The following SCAPER variants were observed in gnomAD, a reference collection of about 807,000 sequenced individuals.
SCAPER encodes S phase cyclin A-associated protein in the endoplasmic reticulum.
Under a neutral mutation model 182.2 loss-of-function variants are expected in SCAPER, and 98 were observed. The ratio of observed to expected loss-of-function variants is 0.54; its 90% CI spans 0.46 to 0.64. SCAPER has a LOEUF of 0.64. Ranked by LOEUF, SCAPER falls within the 30% of genes least tolerant of loss-of-function variation. SCAPER has a pLI of 0.00. For synonymous variants in SCAPER, 605 were observed against 564.6 expected, an observed-to-expected ratio of 1.07 and a Z score of -1.01; for missense variants, 1,432 against 1,690.0, an observed-to-expected ratio of 0.85 and a Z score of 2.68.
chr15:76,841,975 C>CTTCCA, intron 4 of SCAPER, 44 bp from the exon 5 acceptor site: 1 of 1,509,086 alleles, frequency 6.6e-7, no homozygotes, highest in South Asian at 1.2e-5. Flanking sequence ...AATAAAAGGG[C>CTTCCA]TTCCAGGGAC....
intron 25 of SCAPER, 73 bp from the exon 26 acceptor site, chr15:76,434,383 T>C: frequency 9.5e-7 from 1 of 1,048,716 alleles, no homozygotes; most frequent in Non-Finnish European, 1.4e-6. Context: ...GTTTAGAACA[T>C]TTCTGGAATC....
At chr15:76,871,123 A>G (rs1045821924) in intron 2 of SCAPER, among the ~76,000 whole-genome samples, 1 of 152,180 alleles carries the variant, frequency 6.6e-6, no homozygotes, top group Non-Finnish European at 1.5e-5. Context: ...AAAAACTAAT[A>G]AAAGGGACAG....
At chr15:76,833,739 C>G (rs1475475869) in intron 5 of SCAPER, among the ~76,000 whole-genome samples, 2 of 150,112 alleles carry the variant, frequency 1.3e-5, no homozygotes, top group African/African-American at 2.5e-5. Flanking sequence ...GATTTTCAAC[C>G]AACCATGATC....
chr15:76,433,948 G>C lies in SCAPER; in HGVS notation c.3311+130C>G. On this transcript the variant is annotated intron_variant, in intron 26 of 31. Transcript: ENST00000563290. ...TGAGAAATATTTACAAGGTATTCTT[G>C]GTATTCTCTACCAGGAATGTGTGAA... 5 of 697,168 alleles carry C rather than the reference G, an allele frequency of 7.2e-6. No individual in the cohort carries two copies. In the South Asian group the frequency reaches 1.1e-4, roughly 16 times the overall value. The allele number at this position is 697,168 out of a possible 1,614,324, so 43.2% of individuals were successfully genotyped here. A position where few individuals can be genotyped will look rare whatever the true frequency, so the allele number is the denominator to read the frequency against.
chr15:76,875,905 C>CG (rs1294535743), intron 2 of SCAPER, among the ~76,000 whole-genome samples: 1 of 152,150 alleles, frequency 6.6e-6, no homozygotes, highest in Non-Finnish European at 1.5e-5. Flanking sequence ...GCTCGGGCCG[C>CG]GCAGGACCCC....
At chr15:76,450,346 T>C (rs1375798068) in intron 25 of SCAPER, among the ~76,000 whole-genome samples, 2 of 152,194 alleles carry the variant, frequency 1.3e-5, no homozygotes, top group African/African-American at 4.8e-5. Context: ...AAAGAACAGA[T>C]ACAAAATTCT....
intron 25 of SCAPER, among the ~76,000 whole-genome samples, chr15:76,448,795 A>T (rs1392208129): frequency 6.6e-6 from 1 of 152,138 alleles, no homozygotes; most frequent in Admixed American, 6.6e-5. Context: ...ATGGTGGTAG[A>T]AAAAACCGAA....
At chr15:76,484,512 C>G (rs1400466080) in intron 24 of SCAPER, among the ~76,000 whole-genome samples, 1 of 152,042 alleles carries the variant, frequency 6.6e-6, no homozygotes, top group Non-Finnish European at 1.5e-5. Context: ...AGCCTACCAA[C>G]TAAAAAGAGC....
chr15:76,839,459 A>G (rs992887144), intron 5 of SCAPER, among the ~76,000 whole-genome samples: 1 of 152,202 alleles, frequency 6.6e-6, no homozygotes, highest in African/African-American at 2.4e-5. Flanking sequence ...AAAACAAGAA[A>G]ACTAGTTAGT....
intron 22 of SCAPER, among the ~76,000 whole-genome samples, chr15:76,604,298 T>C (rs2050164122): frequency 8.3e-6 from 1 of 121,192 alleles, no homozygotes; most frequent in South Asian, 2.6e-4. Context: ...TCCCTATTGC[T>C]TGTTTTTGTC....
At chr15:76,542,877 T>A (rs1277119518) in intron 23 of SCAPER, among the ~76,000 whole-genome samples, 1 of 152,166 alleles carries the variant, frequency 6.6e-6, no homozygotes, top group Non-Finnish European at 1.5e-5. Flanking sequence ...AAAGTTTCCA[T>A]GCTTAATATT....
intron 8 of SCAPER, chr15:76,793,388 G>A: frequency 1.6e-6 from 1 of 636,900 alleles, no homozygotes. Flanking sequence ...ATGGAAGCTG[G>A]TCACTGGAAA....
At chr15:76,429,540 G>A (rs2046713409) in intron 26 of SCAPER, among the ~76,000 whole-genome samples, 1 of 152,154 alleles carries the variant, frequency 6.6e-6, no homozygotes, top group East Asian at 1.9e-4. Context: ...CTGGAGCAAA[G>A]GTGACTCTTG....
chr15:76,791,620 A>G (rs2065013046), intron 8 of SCAPER, among the ~76,000 whole-genome samples: 1 of 152,076 alleles, frequency 6.6e-6, no homozygotes, highest in African/African-American at 2.4e-5. Flanking sequence ...AAAATCTTCA[A>G]TTAATCTCTC....
At chr15:76,353,864 AAAAT>A in intron 30 of SCAPER, 81 bp downstream of exon 30, 1 of 1,265,470 alleles carries the variant, frequency 7.9e-7, no homozygotes, top group Non-Finnish European at 1.0e-6. Context: ...ATGGAAGGCA[AAAAT>A]AAACAGCTGG....
intron 24 of SCAPER, among the ~76,000 whole-genome samples, chr15:76,484,526 G>A (rs2051429247): frequency 6.6e-6 from 1 of 152,076 alleles, no homozygotes; most frequent in Non-Finnish European, 1.5e-5. Flanking sequence ...AAAGAGCCCA[G>A]GACCAGATGG....
chr15:76,567,652 T>C (rs1372223292), intron 23 of SCAPER, among the ~76,000 whole-genome samples: 1 of 152,180 alleles, frequency 6.6e-6, no homozygotes, highest in African/African-American at 2.4e-5. Flanking sequence ...TTCACATTTA[T>C]TTTTTAGCTA....
intron 17 of SCAPER, among the ~76,000 whole-genome samples, chr15:76,718,279 G>C (rs898488608): frequency 6.6e-6 from 1 of 152,182 alleles, no homozygotes; most frequent in South Asian, 2.1e-4. Flanking sequence ...AAAAGCAGTT[G>C]TAAGAGGGAA....
intron 21 of SCAPER, among the ~76,000 whole-genome samples, chr15:76,631,978 G>A (rs945655610): frequency 1.1e-4 from 17 of 151,968 alleles, no homozygotes; most frequent in African/African-American, 2.4e-4. Context: ...GGTTTTGTTT[G>A]TTCCTTTTCT....
Sources: allele counts gnomAD v4.1 joint callset (sites outside exome capture counted in the v4.1 genomes callset), GRCh38; gene constraint gnomAD v4.1.1; transcripts MANE v1.5; gene names NCBI Gene and HGNC (gene_info 2026-07-23, HGNC 2026-07-21).